C1QTNF7: variants seen among roughly 807,000 people sequenced by gnomAD.
C1QTNF7 encodes the protein C1q and TNF related 7.
A neutral mutation model predicts 19.6 loss-of-function variants in C1QTNF7; 15 were observed. The ratio of observed to expected loss-of-function variants is 0.76; its 90% CI spans 0.51 to 1.18. The LOEUF (loss-of-function observed/expected upper bound fraction) is 1.18. Ranked by LOEUF, C1QTNF7 falls within the 50% of genes most tolerant of loss-of-function variation. The pLI, the probability that C1QTNF7 is intolerant of heterozygous loss-of-function variation, is 0.00. For synonymous variants in C1QTNF7, 142 were observed against 137.5 expected, an observed-to-expected ratio of 1.03 and a Z score of -0.23; for missense variants, 324 against 359.7, an observed-to-expected ratio of 0.90 and a Z score of 0.80.
At position 15,435,913 on chromosome 4, in the gene C1QTNF7, G is replaced by C. The variant is rs137951137; in HGVS notation, c.170G>C (p.Arg57Pro). 6.2e-6 allele frequency: 10 copies of C among 1,613,940 alleles called. No individual in the cohort carries two copies. The African/African-American group carries it at 1.3e-4, about 22-fold the overall frequency. ...AATGGTTCCCCTGGGCCCCATGGTC[G>C]CATCGGCCTTCCAGGAAGAGATGGT... ...GANGSPGPHG[R>P]IGLPGRDGRD... The change falls in exon 2 of 3, where the codon CGC becomes CCC. Residue 57 changes from arginine to proline, a missense_variant. Arg to Pro is a moderately radical substitution (Grantham distance 103, BLOSUM62 -2). Transcript: ENST00000444304.
chr4:15,395,342 GT>G (rs1718745232), intron 1 of C1QTNF7, among the ~76,000 whole-genome samples: 1 of 152,100 alleles, frequency 6.6e-6, no homozygotes, highest in South Asian at 2.1e-4. Flanking sequence ...CTGGATTGGT[GT>G]TTTTGCATTT....
chr4:15,371,747 A>T (rs1484763112), intron 1 of C1QTNF7, among the ~76,000 whole-genome samples: 2 of 152,178 alleles, frequency 1.3e-5, no homozygotes. Context: ...GTTTGAACTA[A>T]TGAAGGGACT....
In C1QTNF7 at chr4:15,442,167, G is replaced by A. The variant is rs769216955; in HGVS notation, c.239-1G>A. The A allele has an allele frequency of 4.4e-6, 7 of 1,593,402 alleles. No individual in the cohort carries two copies. The highest frequency in any genetic ancestry group is 1.8e-5 in the Admixed American group (1 of 54,200). ...AATCAAACTATATACTCTTTCTGAA[G>A]GTTTGAGAGGTAAGACTGGACCGCT... On this transcript the variant is annotated splice_acceptor_variant, in intron 2 of 2. Transcript: ENST00000444304. LOFTEE classifies it high-confidence loss of function.
At chr4:15,395,385 G>A (rs1718746670) in intron 1 of C1QTNF7, among the ~76,000 whole-genome samples, 1 of 152,182 alleles carries the variant, frequency 6.6e-6, no homozygotes, top group Admixed American at 6.5e-5. Context: ...AAGCCCCCTT[G>A]CTTTCTGTAA....
intron 1 of C1QTNF7, among the ~76,000 whole-genome samples, chr4:15,418,924 G>C (rs144505270): frequency 1.2e-3 from 186 of 152,280 alleles, no homozygotes; most frequent in African/African-American, 4.2e-3. Context: ...AATGACCACT[G>C]AGATGCCACC....
chr4:15,392,059 G>C (rs1718580720), intron 1 of C1QTNF7, among the ~76,000 whole-genome samples: 1 of 152,200 alleles, frequency 6.6e-6, no homozygotes, highest in South Asian at 2.1e-4. Flanking sequence ...TTTAACTTAA[G>C]CTGTGGACTG....
chr4:15,363,857 T>C (rs1300927782), intron 1 of C1QTNF7, among the ~76,000 whole-genome samples: 5 of 152,204 alleles, frequency 3.3e-5, no homozygotes, highest in South Asian at 2.1e-4. Flanking sequence ...TCCAGAAAGA[T>C]GTAAAATGTG....
rs865864284 is a variant in C1QTNF7, at chr4:15,402,998, T to A, written c.14-32738T>A. ...TGCTTTTTTCTGTTTTTTTTTTTTTTAATAAAATTCCTTGAAATTTTTATG... is the reference window on the plus strand; with the variant it reads ...TGCTTTTTTCTGTTTTTTTTTTTTTAAATAAAATTCCTTGAAATTTTTATG... On this transcript the variant is annotated intron_variant, in intron 1 of 2. Transcript: ENST00000295297. Among the ~76,000 whole-genome samples, 8 of 147,592 alleles carry A rather than the reference T, an allele frequency of 5.4e-5. No individual in the cohort carries two copies. In the South Asian group the frequency reaches 6.4e-4, roughly 12 times the overall value.
At chr4:15,418,443 T>TA (rs1711546779) in intron 1 of C1QTNF7, among the ~76,000 whole-genome samples, 1 of 152,166 alleles carries the variant, frequency 6.6e-6, no homozygotes, top group African/African-American at 2.4e-5. Flanking sequence ...TCCTTTCAGT[T>TA]ACTATAATTC....
chr4:15,388,864 G>A (rs1718445818), intron 1 of C1QTNF7, among the ~76,000 whole-genome samples: 1 of 152,202 alleles, frequency 6.6e-6, no homozygotes, highest in East Asian at 1.9e-4. Context: ...CATCCAGGAG[G>A]ACTAGTGAGT....
chr4:15,434,461 C>T (rs1190321472), intron 1 of C1QTNF7, among the ~76,000 whole-genome samples: 4 of 152,108 alleles, frequency 2.6e-5, no homozygotes, highest in Non-Finnish European at 5.9e-5. Flanking sequence ...GATTGCTTTC[C>T]CCACATTTTG....
At chr4:15,354,217 C>G (rs554203215) in intron 1 of C1QTNF7, among the ~76,000 whole-genome samples, 4 of 152,132 alleles carry the variant, frequency 2.6e-5, no homozygotes, top group Non-Finnish European at 4.4e-5. Flanking sequence ...AGGAAAGACT[C>G]ACACAGAGTC....
At chr4:15,423,209 T>C (rs1368453029), upstream of C1QTNF7, among the ~76,000 whole-genome samples, 3 of 152,206 alleles carry the variant, frequency 2.0e-5, no homozygotes, top group African/African-American at 7.2e-5. Context: ...TCTGGCTTTT[T>C]ATCTGTGAAA....
chr4:15,391,708 G>A (rs1329633377), intron 1 of C1QTNF7, among the ~76,000 whole-genome samples: 1 of 152,076 alleles, frequency 6.6e-6, no homozygotes, highest in African/African-American at 2.4e-5. Context: ...AAAAATCAAA[G>A]GAGATAACAT....
chr4:15,392,900 T>C (rs879680688), intron 1 of C1QTNF7, among the ~76,000 whole-genome samples: 1 of 152,180 alleles, frequency 6.6e-6, no homozygotes, highest in Non-Finnish European at 1.5e-5. Flanking sequence ...ATCACCATCA[T>C]GACTGCAATA....
intron 2 of C1QTNF7, among the ~76,000 whole-genome samples, chr4:15,439,620 T>G (rs1712670092): frequency 6.6e-6 from 1 of 152,188 alleles, no homozygotes; most frequent in Admixed American, 6.5e-5. Flanking sequence ...CGCCCAAAAT[T>G]TAAATTTCAG....
chr4:15,424,227 G>T (rs556901261), upstream of C1QTNF7, among the ~76,000 whole-genome samples: 3 of 152,174 alleles, frequency 2.0e-5, no homozygotes, highest in African/African-American at 7.2e-5. Context: ...TACAATACTT[G>T]TCCATCTCCA....
At chr4:15,412,038 A>G (rs2872704) in intron 1 of C1QTNF7, among the ~76,000 whole-genome samples, 57,146 of 151,758 alleles carry the variant, frequency 0.38, 10,885 homozygotes, top group East Asian at 0.55. Context: ...GATCAGCAAC[A>G]ACATTATATT....
At chr4:15,367,558 G>A (rs574843226) in intron 1 of C1QTNF7, among the ~76,000 whole-genome samples, 1 of 152,302 alleles carries the variant, frequency 6.6e-6, no homozygotes, top group Non-Finnish European at 1.5e-5. Flanking sequence ...ATGTCAGAGG[G>A]ACCAGGCTGA....
Sources: allele counts gnomAD v4.1 joint callset (sites outside exome capture counted in the v4.1 genomes callset), GRCh38; gene constraint gnomAD v4.1.1; transcripts MANE v1.5; gene names NCBI Gene and HGNC (gene_info 2026-07-23, HGNC 2026-07-21).